Variants in MARCHF1 observed in about 807,000 individuals in gnomAD.
MARCHF1 encodes E3 ubiquitin-protein ligase MARCHF1.
MARCHF1 carries 40 observed loss-of-function variants against 54.2 expected under a neutral mutation model. The observed-to-expected ratio is 0.74, with a 90% CI of 0.57 to 0.96. MARCHF1 has a LOEUF of 0.96. Among genes scored for constraint, MARCHF1 ranks in the 40% least tolerant of loss-of-function variants. The pLI is 0.00. For synonymous variants in MARCHF1, 236 were observed against 236.3 expected (o/e 1.00, Z 0.01); for missense variants, 586 against 656.5 (o/e 0.89, Z 1.17).
intron 3 of MARCHF1, among the ~76,000 whole-genome samples, chr4:163,933,645 T>C (rs1372706506): frequency 6.6e-6 from 1 of 152,226 alleles, no homozygotes; most frequent in Non-Finnish European, 1.5e-5. Flanking sequence ...ACTTCTCCAT[T>C]TCTACATTCC....
intron 2 of MARCHF1, among the ~76,000 whole-genome samples, chr4:164,054,106 T>C (rs1411366204): frequency 6.6e-6 from 1 of 151,014 alleles, no homozygotes; most frequent in Non-Finnish European, 1.5e-5. Flanking sequence ...CATCAAAAAG[T>C]GGGCAAAGGA....
At position 164,208,109 on chromosome 4, in the gene MARCHF1, A is replaced by G. The variant is rs111504474; in HGVS notation, c.-322-96447T>C. ...GATTGTGTATGAATCCCTGATGTCA[A>G]GGAGCTCTGTGTCAAGGGATTAACT... On this transcript the variant is annotated intron_variant, in intron 1 of 9. Transcript: ENST00000514618. 6.6e-3 allele frequency among the ~76,000 whole-genome samples: 998 copies of G among 152,278 alleles called. 13 individuals carry two copies. The highest frequency in any genetic ancestry group is 0.023 in the African/African-American group (947 of 41,562).
chr4:163,697,979 G>A (rs574274461), intron 5 of MARCHF1, among the ~76,000 whole-genome samples: 305 of 152,246 alleles, frequency 2.0e-3, no homozygotes, highest in African/African-American at 6.9e-3. Flanking sequence ...AGCCATCACT[G>A]ATAGAAAAAT....
chr4:163,676,409 C>A (rs1017698640), intron 5 of MARCHF1, among the ~76,000 whole-genome samples: 1 of 151,212 alleles, frequency 6.6e-6, no homozygotes. Context: ...GGTTCTTCAG[C>A]TGAGATCAAG....
At chr4:164,121,191 T>G (rs1421678197) in intron 1 of MARCHF1, among the ~76,000 whole-genome samples, 1 of 152,038 alleles carries the variant, frequency 6.6e-6, no homozygotes, top group Non-Finnish European at 1.5e-5. Context: ...CTATGAGCAA[T>G]TATCTGCCAA....
intron 8 of MARCHF1, among the ~76,000 whole-genome samples, chr4:163,574,458 T>A (rs1357497437): frequency 6.6e-6 from 1 of 150,610 alleles, no homozygotes; most frequent in African/African-American, 2.5e-5. Context: ...GTCTAACGTT[T>A]AAGTCTTTAA....
At chr4:163,716,523 G>A (rs1208999931) in intron 4 of MARCHF1, among the ~76,000 whole-genome samples, 1 of 152,130 alleles carries the variant, frequency 6.6e-6, no homozygotes, top group East Asian at 1.9e-4. Context: ...TTACAAACAG[G>A]TATAGAGAAT....
chr4:163,621,018 G>A (rs1283693948), intron 5 of MARCHF1, among the ~76,000 whole-genome samples: 1 of 152,152 alleles, frequency 6.6e-6, no homozygotes, highest in Non-Finnish European at 1.5e-5. Flanking sequence ...CTTATTTAAA[G>A]TCTTAGAGCT....
intron 1 of MARCHF1, among the ~76,000 whole-genome samples, chr4:164,313,348 C>CAAAAAAAAAAAAAAA (rs553280791): frequency 6.2e-5 from 5 of 80,234 alleles, no homozygotes; most frequent in Admixed American, 2.4e-4. Context: ...GACTCTGTCT[C>CAAAAAAAAAAAAAAA]AAAAAAAAAA....
At chr4:164,324,055 A>T (rs978107213) in intron 1 of MARCHF1, among the ~76,000 whole-genome samples, 1 of 151,906 alleles carries the variant, frequency 6.6e-6, no homozygotes, top group East Asian at 1.9e-4. Flanking sequence ...AATTATTTCA[A>T]TGAAAACTTT....
intron 1 of MARCHF1, among the ~76,000 whole-genome samples, chr4:164,229,676 T>G (rs193214143): frequency 6.7e-4 from 102 of 152,232 alleles, no homozygotes; most frequent in African/African-American, 2.3e-3. Context: ...AGCATGATAC[T>G]GTCATCTGGT....
intron 4 of MARCHF1, among the ~76,000 whole-genome samples, chr4:163,741,567 A>C (rs1746197047): frequency 6.7e-6 from 1 of 149,376 alleles, no homozygotes; most frequent in South Asian, 2.1e-4. Context: ...TGGGTGACAG[A>C]GTGAGACTCT....
chr4:163,599,419 TACAC>T lies in MARCHF1; in HGVS notation c.1010+12848_1010+12851del, dbSNP rs35573046. Reference sequence around the variant, plus strand: ...AGTCTGTCCTTGATCAAAACACACATACACACACACACACACAATATACACACAA... The same window carrying T: ...AGTCTGTCCTTGATCAAAACACACATACACACACACACAATATACACACAA... On this transcript the variant is annotated intron_variant, in intron 7 of 9. Coordinates refer to ENST00000514618, the MANE Select transcript of MARCHF1 (RefSeq NM_001394959.1). 4.4e-4 allele frequency among the ~76,000 whole-genome samples: 66 copies of T among 151,374 alleles called. No homozygotes were observed. The East Asian group carries it at 5.4e-3, about 12-fold the overall frequency.
chr4:163,905,617 C>T (rs905707986), intron 3 of MARCHF1, among the ~76,000 whole-genome samples: 4 of 152,028 alleles, frequency 2.6e-5, no homozygotes, highest in Non-Finnish European at 2.9e-5. Flanking sequence ...TCCAAATCCT[C>T]GAAGATATTG....
intron 4 of MARCHF1, among the ~76,000 whole-genome samples, chr4:163,723,275 A>G (rs1456183534): frequency 6.6e-6 from 1 of 152,042 alleles, no homozygotes; most frequent in Non-Finnish European, 1.5e-5. Context: ...TTTCTCCTTC[A>G]CTTATGAAGC....
rs59287234 is a variant in MARCHF1, at chr4:164,117,056, G to C, written c.-322-5394C>G. Among the ~76,000 whole-genome samples, 858 of 151,840 alleles carry C rather than the reference G, an allele frequency of 5.7e-3. 19 individuals carry two copies. The highest frequency in any genetic ancestry group is 0.02 in the African/African-American group (828 of 41,364). ...GTAGATCATTTGAGGTCAGGAGTTT[G>C]AAACCAGCCTGGCCAACATGGTGAA... On this transcript the variant is annotated intron_variant, in intron 1 of 9. Transcript: ENST00000514618.
intron 5 of MARCHF1, among the ~76,000 whole-genome samples, chr4:163,618,609 A>G (rs1741586823): frequency 6.6e-6 from 1 of 152,152 alleles, no homozygotes; most frequent in African/African-American, 2.4e-5. Flanking sequence ...CTAAAATAGC[A>G]TCAAAATTAA....
chr4:163,724,860 C>T (rs181192326), intron 4 of MARCHF1, among the ~76,000 whole-genome samples: 123 of 152,120 alleles, frequency 8.1e-4, no homozygotes, highest in African/African-American at 2.6e-3. Flanking sequence ...ATTGGAAAAG[C>T]GCAGTATTAG....
At chr4:163,826,644 CAAAAT>C (rs1358480983) in intron 4 of MARCHF1, among the ~76,000 whole-genome samples, 4 of 151,738 alleles carry the variant, frequency 2.6e-5, no homozygotes, top group Admixed American at 2.6e-4. Context: ...GGGAAACAGA[CAAAAT>C]AAAAGTAGAT....
Sources: allele counts gnomAD v4.1 joint callset (sites outside exome capture counted in the v4.1 genomes callset), GRCh38; gene constraint gnomAD v4.1.1; transcripts MANE v1.5; gene names NCBI Gene and HGNC (gene_info 2026-07-23, HGNC 2026-07-21).